The following GPHN variants were observed in gnomAD, a reference collection of about 807,000 sequenced individuals.
The protein encoded by GPHN is gephyrin.
GPHN carries 17 observed loss-of-function variants against 95.5 expected under a neutral mutation model. The ratio of observed to expected loss-of-function variants is 0.18; its 90% confidence interval spans 0.12 to 0.27. The LOEUF is 0.27. Ranked by LOEUF, GPHN falls within the 10% of genes least tolerant of loss-of-function variation. The probability of loss-of-function intolerance (pLI) is 1.00; values close to 1 mark genes in which losing one functional copy is unlikely to be tolerated. For synonymous variants in GPHN, 320 were observed against 322.5 expected (o/e 0.99, Z 0.08); for missense variants, 660 against 978.1 (o/e 0.67, Z 4.34).
the GPHN span, among the ~76,000 whole-genome samples, chr14:67,331,447 G>A: frequency 3.3e-5 from 5 of 151,936 alleles, no homozygotes; most frequent in South Asian, 2.1e-4. Context: ...AAATGATGGC[G>A]TTACAAAATG....
At chr14:67,672,777 C>T in the GPHN span, among the ~76,000 whole-genome samples, 2 of 152,100 alleles carry the variant, frequency 1.3e-5, no homozygotes, top group Admixed American at 1.3e-4. Context: ...AATCAGATCC[C>T]ACAATGCTTC....
At chr14:66,793,487 G>C (rs961186495) in intron 3 of GPHN, among the ~76,000 whole-genome samples, 1 of 151,976 alleles carries the variant, frequency 6.6e-6, no homozygotes, top group African/African-American at 2.4e-5. Context: ...TTGTCCTTTC[G>C]GTTTCTTTAA....
rs758451839 is a variant in GPHN at position 67,089,062 on chromosome 14, C to G, written c.1224C>G (p.Gly408=). 2 of 1,540,412 alleles carry G rather than the reference C, an allele frequency of 1.3e-6. No homozygotes were observed. Among genetic ancestry groups the G allele is most frequent in the African/African-American group, 2.7e-5 (2 of 73,294 alleles). ...CCTTCCCAGCATCAGTAAAAGATGG[C>G]TATGCTGTCCGAGGTAAATATTTTG... ...LPPFPASVKD[G]YAVRAADGPG... The change falls in exon 12 of 23, where the codon GGC becomes GGG. Residue 408 remains glycine, a synonymous_variant. Transcript: ENST00000478722.
chr14:67,113,234 T>A, intron 16 of GPHN, 63 bp downstream of exon 16: 1 of 1,372,270 alleles, frequency 7.3e-7, no homozygotes, highest in Non-Finnish European at 1.0e-6. Flanking sequence ...ATTTCTGACA[T>A]ATGTTCTGTG....
chr14:66,794,345 G>A (rs1288214792), intron 3 of GPHN, among the ~76,000 whole-genome samples: 3 of 152,092 alleles, frequency 2.0e-5, no homozygotes, highest in African/African-American at 7.2e-5. Flanking sequence ...CGTGTCTTCT[G>A]CCATAATGTA....
chr14:67,308,471 A>G, the GPHN span, among the ~76,000 whole-genome samples: 1 of 151,996 alleles, frequency 6.6e-6, no homozygotes, highest in Non-Finnish European at 1.5e-5. Flanking sequence ...ACTTTTCCAA[A>G]GGAGTGTCCA....
At chr14:66,776,574 T>G (rs2059389531) in intron 3 of GPHN, 53 bp downstream of exon 3, 1 of 995,108 alleles carries the variant, frequency 1.0e-6, no homozygotes, top group Admixed American at 1.7e-5. Flanking sequence ...TGGTGAGGGG[T>G]GGGGAAGAGT....
the GPHN span, chr14:67,727,479 T>G: frequency 0.021 from 7,356 of 346,166 alleles, 174 homozygotes; most frequent in Non-Finnish European, 0.03. Flanking sequence ...GCTTTTTGTT[T>G]TTTTTGTTTT....
chr14:67,141,834 A>G (rs2080475373), intron 17 of GPHN, among the ~76,000 whole-genome samples: 1 of 152,188 alleles, frequency 6.6e-6, no homozygotes, highest in South Asian at 2.1e-4. Context: ...AAATCATGCT[A>G]TCTTGAGTCA....
the GPHN span, among the ~76,000 whole-genome samples, chr14:67,416,598 T>C: frequency 6.6e-6 from 1 of 152,262 alleles, no homozygotes; most frequent in Non-Finnish European, 1.5e-5. Flanking sequence ...GTTGCTCTGC[T>C]ACAACAGAAA....
intron 17 of GPHN, among the ~76,000 whole-genome samples, chr14:67,129,993 A>G (rs574159322): frequency 1.1e-4 from 17 of 151,918 alleles, no homozygotes; most frequent in East Asian, 5.8e-4. Context: ...TGAATTTTCA[A>G]CCTCTCATTA....
intron 1 of GPHN, among the ~76,000 whole-genome samples, chr14:66,671,778 A>G (rs1456214248): frequency 6.6e-6 from 1 of 152,126 alleles, no homozygotes; most frequent in African/African-American, 2.4e-5. Flanking sequence ...TTCCTTTATT[A>G]TCCCTTTAAT....
the GPHN span, among the ~76,000 whole-genome samples, chr14:67,282,307 A>G: frequency 4.6e-5 from 7 of 152,162 alleles, no homozygotes; most frequent in Non-Finnish European, 1.0e-4. Context: ...CCCATATGAC[A>G]GGAGACAACT....
intron 18 of GPHN, among the ~76,000 whole-genome samples, chr14:67,146,720 G>A (rs2080917773): frequency 6.6e-6 from 1 of 152,182 alleles, no homozygotes; most frequent in African/African-American, 2.4e-5. Flanking sequence ...TAAGTCTAGA[G>A]CCATGTAGCC....
chr14:67,534,789 G>GA, the GPHN span, among the ~76,000 whole-genome samples: 59 of 146,570 alleles, frequency 4.0e-4, 1 homozygote, highest in Admixed American at 4.8e-4. Flanking sequence ...ATTCCTGATA[G>GA]AAAAAAAAAA....
chr14:66,550,373 G>A (rs1409035769), intron 1 of GPHN, among the ~76,000 whole-genome samples: 1 of 152,232 alleles, frequency 6.6e-6, no homozygotes, highest in East Asian at 1.9e-4. Context: ...GGAGCCTGAA[G>A]ATGTGACTGA....
At chr14:67,005,014 G>A (rs2072504207) in intron 9 of GPHN, among the ~76,000 whole-genome samples, 2 of 151,400 alleles carry the variant, frequency 1.3e-5, no homozygotes, top group Non-Finnish European at 3.0e-5. Flanking sequence ...AAAGAAAGAG[G>A]ACCTCAGGAA....
chr14:67,352,879 G>A, the GPHN span: 1 of 1,376,918 alleles, frequency 7.3e-7, no homozygotes, highest in African/African-American at 1.5e-5. Context: ...GGCCATGCTG[G>A]ATTTTTCTAA....
At chr14:67,044,632 C>T (rs1156924764) in intron 10 of GPHN, among the ~76,000 whole-genome samples, 1 of 152,180 alleles carries the variant, frequency 6.6e-6, no homozygotes, top group Non-Finnish European at 1.5e-5. Context: ...TCCATGAGTG[C>T]TGCTGCTGCT....
Sources: gnomAD v4.1 joint callset for allele counts (sites outside exome capture counted in the v4.1 genomes callset) on GRCh38, gnomAD v4.1.1 for gene constraint, MANE v1.5 for transcripts, NCBI Gene and HGNC (gene_info 2026-07-23, HGNC 2026-07-21) for gene names.